ZSCAN26: variants seen among roughly 807,000 people sequenced by gnomAD.
ZSCAN26 encodes the protein zinc finger and SCAN domain-containing protein 26.
Under a neutral mutation model 23.0 loss-of-function variants are expected in ZSCAN26, and 26 were observed. The observed-to-expected ratio is 1.13, with a 90% CI of 0.83 to 1.57. ZSCAN26 has a LOEUF of 1.57. Ranked by LOEUF, ZSCAN26 falls within the 40% of genes most tolerant of loss-of-function variation. The probability of loss-of-function intolerance (pLI) is 0.00; values close to 1 mark genes in which losing one functional copy is unlikely to be tolerated. For missense variants in ZSCAN26, 528 were observed against 568.5 expected (o/e 0.93, Z 0.72); for synonymous variants, 180 against 202.5 (o/e 0.89, Z 0.94).
At position 28,276,755 on chromosome 6, in the gene ZSCAN26, T is replaced by C; in HGVS notation, c.1099T>C (p.Cys367Arg). Residue 367 changes from cysteine (C) to arginine (R), a missense_variant, in exon 4 of 4, where the codon TGT (cysteine) becomes CGT (arginine). Physicochemically the swap from Cys to Arg is radical, Grantham distance 180. Transcript: ENST00000421553. ...HQRIHSQEEP[C>R]ECKECGKTFS... is the part of the protein sequence containing the mutation. Reference sequence around the variant, plus strand: ...GAGAATTCACAGTCAGGAGGAGCCCTGTGAGTGCAAGGAGTGTGGAAAAAC... The same window carrying C: ...GAGAATTCACAGTCAGGAGGAGCCCCGTGAGTGCAAGGAGTGTGGAAAAAC... 6.2e-7 allele frequency: 1 copy of C among 1,613,918 alleles called. No individual in the cohort carries two copies. Among genetic ancestry groups the C allele is most frequent in the Non-Finnish European group, 8.5e-7 (1 of 1,179,846 alleles).
In ZSCAN26 at chr6:28,272,152, AG is replaced by A; in HGVS notation, c.234del (p.Gln78HisfsTer23). ...ALSRLRELCQ[Q>X]WLQPETHTKE... ...AGTCGGCTCCGGGAGCTCTGTCAAC[AG>A]TGGCTACAGCCCGAGACCCATACCA... On this transcript the variant is annotated frameshift_variant, in exon 2 of 4. Coordinates refer to ENST00000421553, the MANE Select transcript of ZSCAN26 (RefSeq NM_001023560.4). LOFTEE classifies it high-confidence loss of function. 1 of 1,612,616 alleles carries A rather than the reference AG, an allele frequency of 6.2e-7. No homozygotes were observed. Among genetic ancestry groups the A allele is most frequent in the Non-Finnish European group, 8.5e-7 (1 of 1,179,590 alleles).
chr6:28,272,344 G>T lies in ZSCAN26; in HGVS notation c.420+5G>T. The T allele has an allele frequency of 6.7e-7, 1 of 1,498,224 alleles. No homozygotes were observed. The highest frequency in any genetic ancestry group is 1.3e-5 in the South Asian group (1 of 74,554). 92.8% of individuals were successfully genotyped at this position (1,498,224 alleles called of 1,614,324 possible). A position where few individuals can be genotyped will look rare whatever the true frequency, so the allele number is the denominator to read the frequency against. On this transcript the variant is annotated splice_donor_5th_base_variant and intron_variant, in intron 2 of 3. Coordinates refer to ENST00000421553, the MANE Select transcript of ZSCAN26 (RefSeq NM_001023560.4). The stretch of plus-strand genomic sequence containing the variant: ...GGAGAAACAGGACAACAGGTGGTAA[G>T]GGTCAGATGTGCTCTTTTTCAGGAA...
At chr6:28,268,655 A>C (rs1761546500) in intron 1 of ZSCAN26, among the ~76,000 whole-genome samples, 1 of 152,218 alleles carries the variant, frequency 6.6e-6, no homozygotes, top group African/African-American at 2.4e-5. Flanking sequence ...ATAGAACTTG[A>C]TTGATCAGAT....
At chr6:28,273,154 G>A (rs1320202232) in intron 3 of ZSCAN26, among the ~76,000 whole-genome samples, 3 of 152,152 alleles carry the variant, frequency 2.0e-5, no homozygotes, top group African/African-American at 7.2e-5. Flanking sequence ...CAGCTACTTG[G>A]GAAGCTAAGG....
chr6:28,274,946 G>A (rs1199156826), intron 3 of ZSCAN26, among the ~76,000 whole-genome samples: 1 of 152,088 alleles, frequency 6.6e-6, no homozygotes, highest in Non-Finnish European at 1.5e-5. Context: ...CCCTGCCCCT[G>A]TGTAGGACTG....
Position 28,272,254 on chromosome 6 carries a change from A to G in ZSCAN26, c.335A>G (p.Gln112Arg). 3 of 1,611,762 alleles carry G rather than the reference A, an allele frequency of 1.9e-6. No homozygotes were observed. Among genetic ancestry groups the G allele is most frequent in the Non-Finnish European group, 2.5e-6 (3 of 1,178,906 alleles). The change falls in exon 2 of 4, where the codon CAG (glutamine) becomes CGG (arginine). Residue 112 changes from glutamine to arginine, a missense_variant. Gln to Arg is a conservative substitution (Grantham distance 43, BLOSUM62 1). Transcript: ENST00000421553. ...CCTAAGGAGCTCCAGGCCCGGGTGCAGGAGCATCACCCAGAGAGCAGGGAG... is the reference window on the plus strand; with the variant it reads ...CCTAAGGAGCTCCAGGCCCGGGTGCGGGAGCATCACCCAGAGAGCAGGGAG... ...ILPKELQARVQEHHPESREDV... is the reference protein window; with the variant it reads ...ILPKELQARVREHHPESREDV...
intron 2 of ZSCAN26, 119 bp downstream of exon 2, chr6:28,272,458 G>A: frequency 7.8e-7 from 1 of 1,289,112 alleles, no homozygotes; most frequent in South Asian, 1.6e-5. Flanking sequence ...TTTTTTTCCA[G>A]TCTAGCTGTT....
rs1269962530 is a variant in ZSCAN26, at chr6:28,267,179, C to T, written c.-101C>T. 2 of 152,238 alleles carry T rather than the reference C, an allele frequency of 1.3e-5. No homozygotes were observed. The highest frequency in any genetic ancestry group is 2.9e-5 in the Non-Finnish European group (2 of 68,076). The allele number at this position is 152,238 out of a possible 1,614,324, so 9.4% of individuals were successfully genotyped here. ...TCGGCGATGAGCTAAGACGCTGTTT[C>T]AGAGCGTTTGGGTCCTCTGAGGCCC... is the stretch of plus-strand genomic sequence containing the variant. On this transcript the variant is annotated 5_prime_UTR_variant, in exon 1 of 4. Coordinates refer to ENST00000421553, the MANE Select transcript of ZSCAN26 (RefSeq NM_001023560.4).
chr6:28,274,345 C>A (rs1761849640), intron 3 of ZSCAN26, among the ~76,000 whole-genome samples: 1 of 152,176 alleles, frequency 6.6e-6, no homozygotes, highest in South Asian at 2.1e-4. Flanking sequence ...CTGGGAGCAT[C>A]CTGAATAAAG....
chr6:28,277,121 A>G lies in ZSCAN26; in HGVS notation c.*25A>G. 4 of 1,592,476 alleles carry G rather than the reference A, an allele frequency of 2.5e-6. No homozygotes were observed. Among genetic ancestry groups the G allele is most frequent in the Non-Finnish European group, 3.4e-6 (4 of 1,171,034 alleles). ...ATGAGGTGTTCTCTCCTTGTAGAAC[A>G]TCAGAGAAGGCACATTGACTAGCAA... On this transcript the variant is annotated 3_prime_UTR_variant, in exon 4 of 4. Transcript: ENST00000421553.
intron 1 of ZSCAN26, among the ~76,000 whole-genome samples, chr6:28,267,885 A>C (rs1031915310): frequency 6.6e-6 from 1 of 152,198 alleles, no homozygotes; most frequent in African/African-American, 2.4e-5. Flanking sequence ...AGTTAAGAGT[A>C]ATTTTTTAAA....
chr6:28,269,255 C>T (rs1459564856), intron 1 of ZSCAN26, among the ~76,000 whole-genome samples: 7 of 151,564 alleles, frequency 4.6e-5, no homozygotes, highest in Non-Finnish European at 8.8e-5. Context: ...GTATAGATAT[C>T]TCTATAGATA....
chr6:28,273,322 A>G (rs1761791764), intron 3 of ZSCAN26, among the ~76,000 whole-genome samples: 1 of 152,136 alleles, frequency 6.6e-6, no homozygotes, highest in Non-Finnish European at 1.5e-5. Context: ...GTGGGTAGGT[A>G]TACGAGGTCA....
intron 1 of ZSCAN26, among the ~76,000 whole-genome samples, chr6:28,267,977 A>G (rs1166378991): frequency 1.3e-5 from 2 of 152,148 alleles, no homozygotes; most frequent in Non-Finnish European, 2.9e-5. Flanking sequence ...AGAGACAATA[A>G]TATTTGCTAC....
Position 28,272,355 on chromosome 6 carries a change from G to A in ZSCAN26, c.420+16G>A. The A allele has an allele frequency of 6.7e-7, 1 of 1,483,032 alleles. No individual in the cohort carries two copies. 91.9% of individuals were successfully genotyped at this position (1,483,032 alleles called of 1,614,324 possible). A position where few individuals can be genotyped will look rare whatever the true frequency, so the allele number is the denominator to read the frequency against. Reference sequence around the variant, plus strand: ...ACAACAGGTGGTAAGGGTCAGATGTGCTCTTTTTCAGGAATGCAGGAATTG... The same window carrying A: ...ACAACAGGTGGTAAGGGTCAGATGTACTCTTTTTCAGGAATGCAGGAATTG... On this transcript the variant is annotated intron_variant, in intron 2 of 3. Coordinates refer to ENST00000421553, the MANE Select transcript of ZSCAN26 (RefSeq NM_001023560.4).
rs1397412851 is a variant in ZSCAN26, at chr6:28,277,228, A to T, written c.*132A>T. The T allele has an allele frequency of 5.9e-6, 5 of 844,412 alleles. No homozygotes were observed. The highest frequency in any genetic ancestry group is 9.2e-6 in the Non-Finnish European group (5 of 545,286). 52.3% of individuals were successfully genotyped at this position (844,412 alleles called of 1,614,324 possible). ...GCTGAGTTGGAGGCTCCCTGCCTCTATTCTCTCTCCTTTGCTTTCCTTGAA... is the reference window on the plus strand; with the variant it reads ...GCTGAGTTGGAGGCTCCCTGCCTCTTTTCTCTCTCCTTTGCTTTCCTTGAA... On this transcript the variant is annotated 3_prime_UTR_variant, in exon 4 of 4. Transcript: ENST00000421553.
chr6:28,276,642 A>T lies in ZSCAN26; in HGVS notation c.986A>T (p.His329Leu). 1 of 1,611,840 alleles carries T rather than the reference A, an allele frequency of 6.2e-7. No individual in the cohort carries two copies. Among genetic ancestry groups the T allele is most frequent in the East Asian group, 2.2e-5 (1 of 44,858 alleles). The change falls in exon 4 of 4, where the codon CAT becomes CTT. Residue 329 changes from histidine to leucine, a missense_variant. Physicochemically the swap from His to Leu is moderately conservative, Grantham distance 99 (BLOSUM62 -3). Coordinates refer to ENST00000421553, the MANE Select transcript of ZSCAN26 (RefSeq NM_001023560.4). The stretch of plus-strand genomic sequence containing the variant: ...AGCCAGAATGCAGGCCTTTTGGAAC[A>T]TCTCAGAATTCATACTGGAGAGAAA... ...VFSQNAGLLE[H>L]LRIHTGEKPY... is the part of the protein sequence containing the mutation.
At chr6:28,275,984 C>A (rs1761912611) in intron 3 of ZSCAN26, among the ~76,000 whole-genome samples, 1 of 152,186 alleles carries the variant, frequency 6.6e-6, no homozygotes, top group African/African-American at 2.4e-5. Context: ...TAAGTCACCT[C>A]CCACCAGAAT....
intron 3 of ZSCAN26, 122 bp from the exon 4 acceptor site, chr6:28,276,073 C>A: frequency 2.5e-6 from 2 of 808,064 alleles, no homozygotes; most frequent in Non-Finnish European, 3.9e-6. Context: ...CAATCACAAG[C>A]ATCCACAATG....
Sources: gnomAD v4.1 joint callset for allele counts (sites outside exome capture counted in the v4.1 genomes callset) on GRCh38, gnomAD v4.1.1 for gene constraint, MANE v1.5 for transcripts, NCBI Gene and HGNC (gene_info 2026-07-23, HGNC 2026-07-21) for gene names.